SP100: variants seen among roughly 807,000 people sequenced by gnomAD.
SP100 encodes the protein nuclear autoantigen Sp-100.
SP100 carries 84 observed loss-of-function variants against 130.0 expected under a neutral mutation model. That is an observed-to-expected ratio of 0.65 (90% CI 0.54 to 0.77). SP100 has a LOEUF of 0.77. Among genes scored for constraint, SP100 ranks in the 30% least tolerant of loss-of-function variants. The pLI is 0.00. For missense variants in SP100, 978 were observed against 1,052.2 expected, an observed-to-expected ratio of 0.93 and a Z score of 0.97; for synonymous variants, 331 against 351.7, an observed-to-expected ratio of 0.94 and a Z score of 0.66.
chr2:230,422,339 G>T (rs970250906), intron 2 of SP100, among the ~76,000 whole-genome samples: 7 of 152,130 alleles, frequency 4.6e-5, no homozygotes, highest in African/African-American at 1.7e-4. Flanking sequence ...AATTCATCAA[G>T]TGTCCACTGG....
intron 8 of SP100, among the ~76,000 whole-genome samples, chr2:230,453,373 G>A (rs2064113359): frequency 6.6e-6 from 1 of 152,132 alleles, no homozygotes; most frequent in African/African-American, 2.4e-5. Flanking sequence ...GACCATATCA[G>A]CATCCTACTC....
intron 17 of SP100, among the ~76,000 whole-genome samples, chr2:230,476,908 C>T (rs2065577961): frequency 6.6e-6 from 1 of 152,162 alleles, no homozygotes; most frequent in Non-Finnish European, 1.5e-5. Flanking sequence ...CACTGTTGCT[C>T]AGGCTGGAGC....
intron 8 of SP100, among the ~76,000 whole-genome samples, chr2:230,460,497 T>G (rs1426613435): frequency 6.6e-6 from 1 of 151,912 alleles, no homozygotes; most frequent in African/African-American, 2.4e-5. Flanking sequence ...ACCTTAGTGT[T>G]GGAAACCTCA....
chr2:230,437,578 G>C (rs1366943073), intron 2 of SP100, among the ~76,000 whole-genome samples: 1 of 151,690 alleles, frequency 6.6e-6, no homozygotes, highest in Non-Finnish European at 1.5e-5. Context: ...TTTTGTTGTT[G>C]TTGTTGTTTG....
Position 230,498,520 on chromosome 2 carries a change from A to G in SP100, c.1705A>G (p.Arg569Gly). Residue 569 changes from arginine to glycine, a missense_variant, in exon 19 of 29, where the codon AGA becomes GGA. By Grantham distance (125) the Arg-to-Gly change is moderately radical. Transcript: ENST00000340126. Reference sequence around the variant, plus strand: ...TCTGAATAACAAAGTCCAAAAGAAAAGATGGCAACAAAGAGGTAAAAAAAA... The same window carrying G: ...TCTGAATAACAAAGTCCAAAAGAAAGGATGGCAACAAAGAGGTAAAAAAAA... ...LTLNNKVQKK[R>G]WQQRGRKANT... is the part of the protein sequence containing the mutation. The G allele has an allele frequency of 6.7e-7, 1 of 1,498,590 alleles. No homozygotes were observed. The highest frequency in any genetic ancestry group is 8.8e-7 in the Non-Finnish European group (1 of 1,130,484). 92.8% of individuals were successfully genotyped at this position (1,498,590 alleles called of 1,614,324 possible).
intron 19 of SP100, among the ~76,000 whole-genome samples, chr2:230,501,745 A>T (rs2067039761): frequency 6.6e-6 from 1 of 152,208 alleles, no homozygotes; most frequent in African/African-American, 2.4e-5. Context: ...GACCTTAAGA[A>T]AGAGCATCCA....
At chr2:230,498,600 A>G (rs1024382937) in intron 19 of SP100, 65 bp downstream of exon 19, 1 of 908,480 alleles carries the variant, frequency 1.1e-6, no homozygotes, top group Non-Finnish European at 1.5e-6. Flanking sequence ...AGTAAGAAAC[A>G]TTTTTTTCCT....
intron 18 of SP100, among the ~76,000 whole-genome samples, chr2:230,497,877 A>T (rs2066784355): frequency 6.6e-6 from 1 of 152,008 alleles, no homozygotes; most frequent in African/African-American, 2.4e-5. Flanking sequence ...GGTCATTTTC[A>T]CTGTATTTTC....
At chr2:230,513,471 C>A (rs4358115) in intron 24 of SP100, among the ~76,000 whole-genome samples, 1 of 151,566 alleles carries the variant, frequency 6.6e-6, no homozygotes, top group African/African-American at 2.4e-5. Flanking sequence ...TACTTTTAAA[C>A]TAAACTGCCA....
intron 2 of SP100, among the ~76,000 whole-genome samples, chr2:230,419,968 A>G (rs1459998623): frequency 2.6e-5 from 4 of 152,170 alleles, no homozygotes; most frequent in East Asian, 1.9e-4. Flanking sequence ...TCTGTAACCT[A>G]CCTTACTGGG....
At chr2:230,469,468 T>A (rs1559505817) in intron 14 of SP100, 2 of 467,364 alleles carry the variant, frequency 4.3e-6, no homozygotes, top group Non-Finnish European at 8.5e-6. Context: ...TGCAAACTAA[T>A]AATGAAAGCC....
At chr2:230,515,253 C>G (rs1239827252) in intron 24 of SP100, 2 of 1,613,080 alleles carry the variant, frequency 1.2e-6, no homozygotes, top group Non-Finnish European at 1.7e-6. Context: ...AAATGAAAAC[C>G]TATATCCCTC....
chr2:230,428,106 CTGT>C (rs2062989659), intron 2 of SP100, among the ~76,000 whole-genome samples: 1 of 152,124 alleles, frequency 6.6e-6, no homozygotes, highest in South Asian at 2.1e-4. Context: ...TGGCATGTGC[CTGT>C]AGTCCCAGCT....
rs537870334 is a variant in SP100, at chr2:230,421,056, C to T, written c.107+3391C>T. Reference sequence around the variant, plus strand: ...GTAATCAGTGTTACCATTATGATGACTATTTACATGTTGTTCATAACCAAG... The same window carrying T: ...GTAATCAGTGTTACCATTATGATGATTATTTACATGTTGTTCATAACCAAG... On this transcript the variant is annotated intron_variant, in intron 2 of 28. Transcript: ENST00000340126. Among the ~76,000 whole-genome samples, 6 of 150,604 alleles carry T rather than the reference C, an allele frequency of 4.0e-5. No homozygotes were observed. In the East Asian group the frequency reaches 1.2e-3, roughly 29 times the overall value.
At position 230,543,216 on chromosome 2, in the gene SP100, C is replaced by G. The variant is rs893005077; in HGVS notation, c.*270C>G. On this transcript the variant is annotated 3_prime_UTR_variant, in exon 29 of 29. Coordinates refer to ENST00000340126, the MANE Select transcript of SP100 (RefSeq NM_001080391.2). The stretch of plus-strand genomic sequence containing the variant: ...CACAGACAACATTATATGGAATGCG[C>G]AAAAGAAGCATTCCCCTTGAAAACA... 1 of 229,808 alleles carries G rather than the reference C, an allele frequency of 4.4e-6. No individual in the cohort carries two copies. The highest frequency in any genetic ancestry group is 8.5e-6 in the Non-Finnish European group (1 of 117,616). 14.2% of individuals were successfully genotyped at this position (229,808 alleles called of 1,614,324 possible).
rs747792360 is a variant in SP100 at position 230,449,636 on chromosome 2, C to A, written c.662C>A (p.Thr221Lys). The part of the protein sequence containing the change: ...TEQINAKRKD[T>K]TSDKDDSLGS... ...CAGATAAATGCAAAGAGAAAAGATA[C>A]AACCAGTGACAAAGATGATTCGCTA... Residue 221 changes from threonine to lysine, a missense_variant, in exon 7 of 29, where the codon ACA becomes AAA. Coordinates refer to ENST00000340126, the MANE Select transcript of SP100 (RefSeq NM_001080391.2). 1.9e-6 allele frequency: 3 copies of A among 1,614,084 alleles called. No individual in the cohort carries two copies. Among genetic ancestry groups the A allele is most frequent in the Non-Finnish European group, 2.5e-6 (3 of 1,179,980 alleles).
At chr2:230,483,197 CATAAAGAAAA>C (rs2065912837) in intron 17 of SP100, among the ~76,000 whole-genome samples, 1 of 152,060 alleles carries the variant, frequency 6.6e-6, no homozygotes, top group South Asian at 2.1e-4. Context: ...GTGACAATGT[CATAAAGAAAA>C]ATAAAGAATA....
rs111975942 is a variant in SP100, at chr2:230,508,304, T to A, written c.2052+273T>A. 2.3e-3 allele frequency: 696 copies of A among 302,286 alleles called. 3 individuals are homozygous for A. The highest frequency in any genetic ancestry group is 0.017 in the African/African-American group (665 of 38,444). 18.7% of individuals were successfully genotyped at this position (302,286 alleles called of 1,614,324 possible). On this transcript the variant is annotated intron_variant, in intron 23 of 28. Transcript: ENST00000340126. ...TGTGTTTTTTAGTAAAGGAGCTAAA[T>A]GCCATACTTTTTTTTTTTTTTTTTT...
At chr2:230,508,290 G>A in intron 23 of SP100, 1 of 263,444 alleles carries the variant, frequency 3.8e-6, no homozygotes, top group Admixed American at 5.6e-5. Flanking sequence ...GTGTTTTTTA[G>A]TAAAGGAGCT....
Sources: gnomAD v4.1 joint callset for allele counts (sites outside exome capture counted in the v4.1 genomes callset) on GRCh38, gnomAD v4.1.1 for gene constraint, MANE v1.5 for transcripts, NCBI Gene and HGNC (gene_info 2026-07-23, HGNC 2026-07-21) for gene names.